The following MDH2 variants were observed in gnomAD, a reference collection of about 807,000 sequenced individuals.
The protein encoded by MDH2 is malate dehydrogenase, mitochondrial.
A neutral mutation model predicts 33.6 loss-of-function variants in MDH2; 25 were observed. That is an observed-to-expected ratio of 0.74 (90% CI 0.54 to 1.04). MDH2 has a LOEUF of 1.04. Ranked by LOEUF, MDH2 falls within the 50% of genes least tolerant of loss-of-function variation. The pLI is 0.00. For synonymous variants in MDH2, 193 were observed against 188.7 expected (o/e 1.02, Z -0.19); for missense variants, 432 against 445.0 (o/e 0.97, Z 0.26).
At chr7:76,061,998 A>G (rs1409963997) in intron 5 of MDH2, among the ~76,000 whole-genome samples, 8 of 152,190 alleles carry the variant, frequency 5.3e-5, no homozygotes, top group African/African-American at 1.9e-4. Flanking sequence ...AGGCAGTCCT[A>G]TCTCAGCCTT....
At position 76,064,818 on chromosome 7, in the gene MDH2, C is replaced by T. The variant is rs782265872; in HGVS notation, c.750C>T (p.Ser250=). The T allele has an allele frequency of 5.0e-6, 8 of 1,614,056 alleles. No individual in the cohort carries two copies. The highest frequency in any genetic ancestry group is 3.3e-4 in the Middle Eastern group (2 of 6,034). The part of the protein sequence containing the change: ...AKAGAGSATL[S]MAYAGARFVF... Reference sequence around the variant, plus strand: ...CCCCCCTAGGCTCTGCCACCCTCTCCATGGCGTATGCCGGCGCCCGCTTTG... The same window carrying T: ...CCCCCCTAGGCTCTGCCACCCTCTCTATGGCGTATGCCGGCGCCCGCTTTG... Residue 250 remains serine (S), a synonymous_variant, in exon 8 of 9, where the codon TCC becomes TCT. Coordinates refer to ENST00000315758, the MANE Select transcript of MDH2 (RefSeq NM_005918.4).
chr7:76,061,663 TTGAG>T (rs1159526484), intron 5 of MDH2, among the ~76,000 whole-genome samples: 3 of 149,494 alleles, frequency 2.0e-5, no homozygotes, highest in Non-Finnish European at 4.4e-5. Flanking sequence ...AAAAAACAGT[TTGAG>T]TGAGCAGGTG....
rs1455722515 is a variant in MDH2 at position 76,066,770 on chromosome 7, C to T, written c.*360C>T. On this transcript the variant is annotated 3_prime_UTR_variant, in exon 9 of 9. Coordinates refer to ENST00000315758, the MANE Select transcript of MDH2 (RefSeq NM_005918.4). ...AATTGTTAATTTATGGAATTGGACA[C>T]AGTATTCAGTTTACCCGTACATGCT... 1.2e-5 allele frequency: 2 copies of T among 164,704 alleles called. No individual in the cohort carries two copies. The highest frequency in any genetic ancestry group is 2.6e-5 in the Non-Finnish European group (2 of 76,040). 10.2% of individuals were successfully genotyped at this position (164,704 alleles called of 1,614,324 possible). A position where few individuals can be genotyped will look rare whatever the true frequency, so the allele number is the denominator to read the frequency against.
intron 2 of MDH2, among the ~76,000 whole-genome samples, chr7:76,055,541 G>A (rs1554586143): frequency 6.6e-6 from 1 of 151,954 alleles, no homozygotes; most frequent in East Asian, 1.9e-4. Context: ...TTCAAGACCA[G>A]CCCAGGCAAC....
At chr7:76,061,251 TG>T (rs1797938893) in intron 5 of MDH2, among the ~76,000 whole-genome samples, 1 of 152,278 alleles carries the variant, frequency 6.6e-6, no homozygotes, top group Middle Eastern at 3.4e-3. Flanking sequence ...AGGTTATACG[TG>T]CGGCATGGTA....
Position 76,066,838 on chromosome 7 carries a change from G to C in MDH2, c.*428G>C, listed in dbSNP as rs1798108882. 2 of 152,914 alleles carry C rather than the reference G, an allele frequency of 1.3e-5. No individual in the cohort carries two copies. Among genetic ancestry groups the C allele is most frequent in the South Asian group, 2.1e-4 (1 of 4,874 alleles). The allele number at this position is 152,914 out of a possible 1,614,324, so 9.5% of individuals were successfully genotyped here. On this transcript the variant is annotated 3_prime_UTR_variant, in exon 9 of 9. Transcript: ENST00000315758. Reference sequence around the variant, plus strand: ...TGGCACCCTTGCATCGCCCAGGCCTGATTCCTCCTGGGGGTAGTTCACCCC... The same window carrying C: ...TGGCACCCTTGCATCGCCCAGGCCTCATTCCTCCTGGGGGTAGTTCACCCC...
At position 76,064,690 on chromosome 7, in the gene MDH2, A is replaced by C. The variant is rs568035099; in HGVS notation, c.734-112A>C. 1.3e-3 allele frequency: 1,670 copies of C among 1,259,732 alleles called. 3 individuals are homozygous for C. The highest frequency in any genetic ancestry group is 1.7e-3 in the Non-Finnish European group (1,566 of 922,844). The allele number at this position is 1,259,732 out of a possible 1,614,324, so 78.0% of individuals were successfully genotyped here. A position where few individuals can be genotyped will look rare whatever the true frequency, so the allele number is the denominator to read the frequency against. Reference sequence around the variant, plus strand: ...AACAAGAAATCGGGGTGCTGACTGAAATTCTCCACTGTCAGGCTGGAAGGT... The same window carrying C: ...AACAAGAAATCGGGGTGCTGACTGACATTCTCCACTGTCAGGCTGGAAGGT... On this transcript the variant is annotated intron_variant, in intron 7 of 8. Transcript: ENST00000315758.
intron 7 of MDH2, 59 bp downstream of exon 7, chr7:76,064,497 T>G (rs1489365350): frequency 7.0e-7 from 1 of 1,421,502 alleles, no homozygotes; most frequent in East Asian, 2.4e-5. Flanking sequence ...GAGCTCAGGG[T>G]TGGGGAGAAA....
intron 8 of MDH2, among the ~76,000 whole-genome samples, chr7:76,065,932 G>A (rs1007735462): frequency 6.6e-6 from 1 of 152,254 alleles, no homozygotes; most frequent in Non-Finnish European, 1.5e-5. Flanking sequence ...TGATGATTGA[G>A]TTCCTGGCGT....
intron 1 of MDH2, among the ~76,000 whole-genome samples, chr7:76,053,179 G>T (rs1160192804): frequency 6.6e-6 from 1 of 152,216 alleles, no homozygotes; most frequent in African/African-American, 2.4e-5. Flanking sequence ...TAAGAAGGAG[G>T]TGGCAGAAGA....
chr7:76,060,945 ATTG>A (rs1797928982), intron 5 of MDH2, among the ~76,000 whole-genome samples: 1 of 151,906 alleles, frequency 6.6e-6, no homozygotes, highest in African/African-American at 2.4e-5. Flanking sequence ...AGGTATCAGA[ATTG>A]TTGTTGGCCC....
At chr7:76,065,225 C>T in intron 8 of MDH2, 1 of 333,676 alleles carries the variant, frequency 3.0e-6, no homozygotes. Context: ...ATAAGACACT[C>T]CATCTCCAGG....
intron 2 of MDH2, among the ~76,000 whole-genome samples, chr7:76,056,047 A>C (rs1294427909): frequency 6.6e-6 from 1 of 152,024 alleles, no homozygotes; most frequent in African/African-American, 2.4e-5. Flanking sequence ...AGGCTGGTCT[A>C]GAACTCCTGA....
chr7:76,065,063 C>A, intron 8 of MDH2, 110 bp downstream of exon 8: 3 of 1,286,902 alleles, frequency 2.3e-6, no homozygotes, highest in South Asian at 1.4e-5. Context: ...ATGTGCCTGC[C>A]TGGCGAGTGC....
chr7:76,050,325 C>T (rs535512198), intron 1 of MDH2, among the ~76,000 whole-genome samples: 1 of 152,356 alleles, frequency 6.6e-6, no homozygotes, highest in Non-Finnish European at 1.5e-5. Context: ...CCACCACTCC[C>T]AGCCGAGGGT....
intron 2 of MDH2, 111 bp downstream of exon 2, chr7:76,055,109 C>T: frequency 7.9e-7 from 1 of 1,270,670 alleles, no homozygotes; most frequent in Non-Finnish European, 1.1e-6. Flanking sequence ...GGGGGTTTCT[C>T]TGTTTTAAAT....
chr7:76,067,306 A>T lies in MDH2; in HGVS notation c.*896A>T, dbSNP rs1798119608. On this transcript the variant is annotated 3_prime_UTR_variant, in exon 9 of 9. Transcript: ENST00000315758. Reference sequence around the variant, plus strand: ...TTTCTAGGAATAGGCAATGGCCTTCAGTGGAAGAGGGAGGGCTGGAGGTGT... The same window carrying T: ...TTTCTAGGAATAGGCAATGGCCTTCTGTGGAAGAGGGAGGGCTGGAGGTGT... 1 of 152,250 alleles carries T rather than the reference A, an allele frequency of 6.6e-6. No homozygotes were observed. The highest frequency in any genetic ancestry group is 1.5e-5 in the Non-Finnish European group (1 of 68,050). 9.4% of individuals were successfully genotyped at this position (152,250 alleles called of 1,614,324 possible).
In MDH2 at chr7:76,064,443, A is replaced by G. The variant is rs1554587495; in HGVS notation, c.733+5A>G. The stretch of plus-strand genomic sequence containing the variant: ...TCAAGGCTAAAGCCGGAGCAGGTAG[A>G]GTCTCAGGCAGCCCCGGGGCTGGGT... On this transcript the variant is annotated splice_donor_5th_base_variant and intron_variant, in intron 7 of 8. Coordinates refer to ENST00000315758, the MANE Select transcript of MDH2 (RefSeq NM_005918.4). 1.9e-6 allele frequency: 3 copies of G among 1,609,842 alleles called. No individual in the cohort carries two copies. The highest frequency in any genetic ancestry group is 4.5e-5 in the East Asian group (2 of 44,720).
intron 8 of MDH2, 134 bp from the exon 9 acceptor site, chr7:76,066,145 C>T (rs552772975): frequency 5.5e-6 from 6 of 1,082,004 alleles, no homozygotes; most frequent in East Asian, 5.1e-5. Context: ...CTCAGCAAGG[C>T]GTCCCCAGCA....
Sources: gnomAD v4.1 joint callset for allele counts (sites outside exome capture counted in the v4.1 genomes callset) on GRCh38, gnomAD v4.1.1 for gene constraint, MANE v1.5 for transcripts, NCBI Gene and HGNC (gene_info 2026-07-23, HGNC 2026-07-21) for gene names.